Variants in ZSCAN21 observed in about 807,000 individuals in gnomAD.
ZSCAN21 encodes zinc finger and SCAN domain containing 21, also known as zinc finger and SCAN domain-containing protein 21.
ZSCAN21 carries 26 observed loss-of-function variants against 35.6 expected under a neutral mutation model. The ratio of observed to expected loss-of-function variants is 0.73; its 90% CI spans 0.54 to 1.01. The LOEUF (loss-of-function observed/expected upper bound fraction) is 1.01. Ranked by LOEUF, ZSCAN21 falls within the 50% of genes least tolerant of loss-of-function variation. The pLI is 0.00. For synonymous variants in ZSCAN21, 219 were observed against 219.3 expected (o/e 1.00, Z 0.01); for missense variants, 593 against 587.1 (o/e 1.01, Z -0.10).
chr7:100,063,960 A>G lies in ZSCAN21; in HGVS notation c.765A>G (p.Gln255=). 6.2e-7 allele frequency: 1 copy of G among 1,614,200 alleles called. No individual in the cohort carries two copies. The highest frequency in any genetic ancestry group is 1.1e-5 in the South Asian group (1 of 91,086). ...ENEKGTKPPL[Q]EAGSKKGRES... is the part of the protein sequence containing the mutation. ...AAAAAGGAACAAAACCCCCTCTTCA[A>G]GAGGCAGGCTCCAAGAAAGGTAGAG... Residue 255 remains glutamine, a synonymous_variant, in exon 4 of 4, where the codon CAA becomes CAG. Transcript: ENST00000292450.
Position 100,064,661 on chromosome 7 carries a change from T to C in ZSCAN21, c.*44T>C, listed in dbSNP as rs1007616452. ...GTTGTCGTTGTTTTAAACTTTAGAA[T>C]CTGAAAACCAGAAAGAAGTCTTGTC... On this transcript the variant is annotated 3_prime_UTR_variant, in exon 4 of 4. Coordinates refer to ENST00000292450, the MANE Select transcript of ZSCAN21 (RefSeq NM_145914.3). 1 of 1,602,782 alleles carries C rather than the reference T, an allele frequency of 6.2e-7. No individual in the cohort carries two copies. Among genetic ancestry groups the C allele is most frequent in the African/African-American group, 1.3e-5 (1 of 74,452 alleles).
Position 100,064,178 on chromosome 7 carries a change from T to C in ZSCAN21, c.983T>C (p.Leu328Ser). Reference sequence around the variant, plus strand: ...CTCACCCTCCACTACAGAACACACTTGGTGGACCGGCCCTATGACTGTAAG... The same window carrying C: ...CTCACCCTCCACTACAGAACACACTCGGTGGACCGGCCCTATGACTGTAAG... ...SNLTLHYRTH[L>S]VDRPYDCKCG... Residue 328 changes from leucine to serine, a missense_variant, in exon 4 of 4, where the codon TTG (leucine) becomes TCG (serine). Coordinates refer to ENST00000292450, the MANE Select transcript of ZSCAN21 (RefSeq NM_145914.3). The C allele has an allele frequency of 6.2e-7, 1 of 1,613,636 alleles. No homozygotes were observed. Among genetic ancestry groups the C allele is most frequent in the Non-Finnish European group, 8.5e-7 (1 of 1,179,918 alleles).
chr7:100,058,238 GA>G (rs1176183072), intron 3 of ZSCAN21, among the ~76,000 whole-genome samples: 3 of 152,194 alleles, frequency 2.0e-5, no homozygotes, highest in Non-Finnish European at 2.9e-5. Context: ...AGACAACAGT[GA>G]AAAGCTGTTA....
rs191267379 is a variant in ZSCAN21 at position 100,058,099 on chromosome 7, A to G, written c.592+209A>G. Among the ~76,000 whole-genome samples, 347 of 152,332 alleles carry G rather than the reference A, an allele frequency of 2.3e-3. 2 individuals are homozygous for G. Among genetic ancestry groups the G allele is most frequent in the Admixed American group, 4.1e-3 (62 of 15,296 alleles). Reference sequence around the variant, plus strand: ...GGGAATGGATCACTCTTAAAGGATCAGTTTCTCTTTGAAGTCTGAGTATTA... The same window carrying G: ...GGGAATGGATCACTCTTAAAGGATCGGTTTCTCTTTGAAGTCTGAGTATTA... On this transcript the variant is annotated intron_variant, in intron 3 of 3. Coordinates refer to ENST00000292450, the MANE Select transcript of ZSCAN21 (RefSeq NM_145914.3).
intron 1 of ZSCAN21, 32 bp from the exon 2 acceptor site, chr7:100,056,879 T>G: frequency 9.9e-7 from 1 of 1,008,714 alleles, no homozygotes; most frequent in Non-Finnish European, 1.4e-6. Flanking sequence ...ACTTTTCAGT[T>G]TGATTATTTT....
At position 100,051,261 on chromosome 7, in the gene ZSCAN21, G is replaced by C. The variant is rs1181697517; in HGVS notation, c.-97+1420G>C. Among the ~76,000 whole-genome samples, 3 of 131,206 alleles carry C rather than the reference G, an allele frequency of 2.3e-5. 1 individual carries two copies. Among genetic ancestry groups the C allele is most frequent in the African/African-American group, 8.3e-5 (3 of 36,326 alleles). The allele number at this position is 131,206 out of a possible 152,430, so 86.1% of individuals were successfully genotyped here. A position where few individuals can be genotyped will look rare whatever the true frequency, so the allele number is the denominator to read the frequency against. On this transcript the variant is annotated intron_variant, in intron 1 of 3. Coordinates refer to ENST00000292450, the MANE Select transcript of ZSCAN21 (RefSeq NM_145914.3). ...GGCTCAAGAATTATCTAATTTGGCT[G>C]CCTAGGGATCTAGGGATTTTCTTTT...
chr7:100,063,004 T>C (rs1342382254), intron 3 of ZSCAN21, among the ~76,000 whole-genome samples: 2 of 152,220 alleles, frequency 1.3e-5, no homozygotes, highest in Non-Finnish European at 2.9e-5. Flanking sequence ...GTGATCCTCT[T>C]ATTCAGTCTC....
In ZSCAN21 at chr7:100,049,808, G is replaced by C. The variant is rs1168356007; in HGVS notation, c.-130G>C. On this transcript the variant is annotated 5_prime_UTR_variant, in exon 1 of 4. Transcript: ENST00000292450. ...TGCGCGGTCCCGAGGTACGCGGTGC[G>C]GTCTCCCGGTACCCGGAGCGGCTCT... The C allele has an allele frequency of 6.6e-6, 1 of 152,296 alleles. No individual in the cohort carries two copies. The highest frequency in any genetic ancestry group is 1.5e-5 in the Non-Finnish European group (1 of 68,074). 9.4% of individuals were successfully genotyped at this position (152,296 alleles called of 1,614,324 possible).
rs780390820 is a variant in ZSCAN21, at chr7:100,063,838, T to A, written c.643T>A (p.Ser215Thr). Residue 215 changes from serine to threonine, a missense_variant, in exon 4 of 4, where the codon TCT becomes ACT. Coordinates refer to ENST00000292450, the MANE Select transcript of ZSCAN21 (RefSeq NM_145914.3). Reference protein sequence around the residue: ...HEESADEQKGSEAEGLKGDII... With the variant: ...HEESADEQKGTEAEGLKGDII... ...GGAATCAGCAGATGAGCAGAAAGGT[T>A]CTGAAGCAGAGGGGCTCAAAGGGGA... The A allele has an allele frequency of 6.2e-7, 1 of 1,613,840 alleles. No individual in the cohort carries two copies. The highest frequency in any genetic ancestry group is 2.2e-5 in the East Asian group (1 of 44,888).
chr7:100,060,476 C>T (rs1163237954), intron 3 of ZSCAN21, among the ~76,000 whole-genome samples: 2 of 152,128 alleles, frequency 1.3e-5, no homozygotes, highest in Non-Finnish European at 2.9e-5. Context: ...GCAGGAGAAT[C>T]GCTTGAAGCC....
chr7:100,059,662 C>T (rs985569104), intron 3 of ZSCAN21, among the ~76,000 whole-genome samples: 9 of 151,648 alleles, frequency 5.9e-5, no homozygotes, highest in Admixed American at 3.3e-4. Flanking sequence ...AAGAGATTCT[C>T]CTGCCTCAGC....
chr7:100,057,455 C>T, intron 2 of ZSCAN21, 50 bp downstream of exon 2: 1 of 1,504,192 alleles, frequency 6.6e-7, no homozygotes, highest in Non-Finnish European at 8.8e-7. Context: ...GCGTAACATT[C>T]TAGGCAGGAA....
intron 1 of ZSCAN21, among the ~76,000 whole-genome samples, chr7:100,054,339 T>C (rs2116075881): frequency 6.6e-6 from 1 of 151,618 alleles, no homozygotes; most frequent in East Asian, 2.0e-4. Flanking sequence ...AACCTCTGCC[T>C]CCCACGTTCA....
In ZSCAN21 at chr7:100,064,918, TAAGG is replaced by T; in HGVS notation, c.*305_*308del. On this transcript the variant is annotated 3_prime_UTR_variant, in exon 4 of 4. Coordinates refer to ENST00000292450, the MANE Select transcript of ZSCAN21 (RefSeq NM_145914.3). Reference sequence around the variant, plus strand: ...TAAACAGACGTGTATCCAGTCTAGTTAAGGAAGAAACATTAAGATTGTTTAATTT... The same window carrying T: ...TAAACAGACGTGTATCCAGTCTAGTTAAGAAACATTAAGATTGTTTAATTT... 1 of 1,612,850 alleles carries T rather than the reference TAAGG, an allele frequency of 6.2e-7. No individual in the cohort carries two copies. The highest frequency in any genetic ancestry group is 1.3e-5 in the African/African-American group (1 of 75,016).
In ZSCAN21 at chr7:100,064,829, A is replaced by C; in HGVS notation, c.*212A>C. ...GGTTCCACACTCGCCAGTTCACTGG[A>C]GCAGAGTCCCTTCGCCACACTTAGG... On this transcript the variant is annotated 3_prime_UTR_variant, in exon 4 of 4. Transcript: ENST00000292450. The C allele has an allele frequency of 6.2e-7, 1 of 1,614,152 alleles. No individual in the cohort carries two copies. The highest frequency in any genetic ancestry group is 8.5e-7 in the Non-Finnish European group (1 of 1,180,042).
rs1792134980 is a variant in ZSCAN21 at position 100,057,792 on chromosome 7, C to A, written c.494C>A (p.Pro165His). The A allele has an allele frequency of 6.2e-7, 1 of 1,613,956 alleles. No homozygotes were observed. The highest frequency in any genetic ancestry group is 1.3e-5 in the African/African-American group (1 of 74,908). The change falls in exon 3 of 4, where the codon CCC (proline) becomes CAC (histidine). Residue 165 changes from proline to histidine, a missense_variant. Pro to His is a moderately conservative substitution (Grantham distance 77). Coordinates refer to ENST00000292450, the MANE Select transcript of ZSCAN21 (RefSeq NM_145914.3). Reference sequence around the variant, plus strand: ...TCCCCGAGCAGCATGCAGCCACAGCCCTTGGAGACCAGTCACAAATACGAG... The same window carrying A: ...TCCCCGAGCAGCATGCAGCCACAGCACTTGGAGACCAGTCACAAATACGAG... Reference protein sequence around the residue: ...KESPSSMQPQPLETSHKYESW... With the variant: ...KESPSSMQPQHLETSHKYESW...
In ZSCAN21 at chr7:100,064,258, AC is replaced by A. The variant is rs1445462110; in HGVS notation, c.1064del (p.Thr355LysfsTer131). ...CCTTCTTAAACATCAGAGAATGCAC[AC>A]AGAAGAGGCGCCATATCAGTGCAAA... The part of the protein sequence containing the change: ...SDLLKHQRMH[T>X]EEAPYQCKDC... On this transcript the variant is annotated frameshift_variant, in exon 4 of 4. Coordinates refer to ENST00000292450, the MANE Select transcript of ZSCAN21 (RefSeq NM_145914.3). LOFTEE classifies it high-confidence loss of function. The A allele has an allele frequency of 6.8e-6, 11 of 1,614,030 alleles. No individual in the cohort carries two copies. In the Admixed American group the frequency reaches 1.0e-4, roughly 15 times the overall value.
At chr7:100,052,401 T>C (rs1791912300) in intron 1 of ZSCAN21, among the ~76,000 whole-genome samples, 1 of 151,536 alleles carries the variant, frequency 6.6e-6, no homozygotes, top group Admixed American at 6.6e-5. Context: ...TGCACTCCAG[T>C]CTAGGCAACA....
At chr7:100,059,160 T>C (rs1428509525) in intron 3 of ZSCAN21, among the ~76,000 whole-genome samples, 1 of 152,226 alleles carries the variant, frequency 6.6e-6, no homozygotes, top group East Asian at 1.9e-4. Flanking sequence ...CCCTCCATGC[T>C]TGCTGTGTCT....
Sources: gnomAD v4.1 joint callset for allele counts (sites outside exome capture counted in the v4.1 genomes callset) on GRCh38, gnomAD v4.1.1 for gene constraint, MANE v1.5 for transcripts, NCBI Gene and HGNC (gene_info 2026-07-23, HGNC 2026-07-21) for gene names.